Variants in RBMXL1 observed in about 807,000 individuals in gnomAD.
RBMXL1 encodes RBMX like 1.
Under a neutral mutation model 29.0 loss-of-function variants are expected in RBMXL1, and 18 were observed. The ratio of observed to expected loss-of-function variants is 0.62; its 90% confidence interval spans 0.43 to 0.92. The LOEUF (loss-of-function observed/expected upper bound fraction) is 0.92, where lower values mean the gene tolerates loss of function less well. RBMXL1 is among the 40% of genes least tolerant of loss of function. The pLI, the probability that RBMXL1 is intolerant of heterozygous loss-of-function variation, is 0.00. For synonymous variants in RBMXL1, 141 were observed against 170.4 expected (o/e 0.83, Z 1.34); for missense variants, 403 against 495.8 (o/e 0.81, Z 1.78).
chr1:88,990,297 C>CA, intron 1 of RBMXL1, among the ~76,000 whole-genome samples: 1 of 103,866 alleles, frequency 9.6e-6, no homozygotes, highest in South Asian at 2.8e-4. Flanking sequence ...ACAAAAAACA[C>CA]AAAAAATAAA....
rs991987817 is a variant in RBMXL1, at chr1:88,988,420, C to T, written c.-340-69G>A. The T allele has an allele frequency of 8.2e-6, 7 of 854,380 alleles. No homozygotes were observed. The East Asian group carries it at 1.0e-4, about 12-fold the overall frequency. 52.9% of individuals were successfully genotyped at this position (854,380 alleles called of 1,614,324 possible). On this transcript the variant is annotated intron_variant, in intron 1 of 2. Coordinates refer to ENST00000652648, the MANE Select transcript of RBMXL1 (RefSeq NM_001162536.3). ...TGGGTACATCACTATCAGACACTTA[C>T]AGCTAGCTGATGTATCATAAGCTTA... is the stretch of plus-strand genomic sequence containing the variant.
rs1183757893 is a variant in RBMXL1 at position 88,983,486 on chromosome 1, C to T, written c.341G>A (p.Gly114Glu). ...GPPRGFGAGRGGSGGTRGPPS... is the reference protein window; with the variant it reads ...GPPRGFGAGREGSGGTRGPPS... The stretch of plus-strand genomic sequence containing the variant: ...AGGTCCCCTGGTTCCTCCACTTCCT[C>T]CTCTTCCAGCTCCAAAACCTCTTGG... The change falls in exon 3 of 3, where the codon GGA becomes GAA. Residue 114 changes from glycine to glutamate, a missense_variant. Coordinates refer to ENST00000652648, the MANE Select transcript of RBMXL1 (RefSeq NM_001162536.3). 4 of 1,614,038 alleles carry T rather than the reference C, an allele frequency of 2.5e-6. No individual in the cohort carries two copies. The South Asian group carries it at 3.3e-5, about 13-fold the overall frequency.
Position 88,988,357 on chromosome 1 carries a change from A to G in RBMXL1, c.-340-6T>C. 1 of 1,575,064 alleles carries G rather than the reference A, an allele frequency of 6.3e-7. No homozygotes were observed. The highest frequency in any genetic ancestry group is 1.1e-5 in the South Asian group (1 of 89,348). ...TCCTCTGGGCCAAAAACATGCTATT[A>G]AATAAAAGAAAAATTGAGAAGAGGA... On this transcript the variant is annotated splice_polypyrimidine_tract_variant and splice_region_variant and intron_variant, in intron 1 of 2. Coordinates refer to ENST00000652648, the MANE Select transcript of RBMXL1 (RefSeq NM_001162536.3).
intron 1 of RBMXL1, among the ~76,000 whole-genome samples, chr1:88,991,607 G>C (rs975366477): frequency 6.6e-6 from 1 of 152,224 alleles, no homozygotes; most frequent in African/African-American, 2.4e-5. Context: ...CACGTCTTTA[G>C]AACAAGAGCG....
At position 88,979,854 on chromosome 1, in the gene RBMXL1, G is replaced by C. The variant is rs1247885119; in HGVS notation, c.*2800C>G. The C allele has an allele frequency of 6.6e-6, 1 of 152,222 alleles. No homozygotes were observed. Among genetic ancestry groups the C allele is most frequent in the Non-Finnish European group, 1.5e-5 (1 of 68,038 alleles). The allele number at this position is 152,222 out of a possible 1,614,324, so 9.4% of individuals were successfully genotyped here. On this transcript the variant is annotated 3_prime_UTR_variant, in exon 3 of 3. Coordinates refer to ENST00000652648, the MANE Select transcript of RBMXL1 (RefSeq NM_001162536.3). ...AGAAAGGAAAACCTATGTCTACACA[G>C]TGGCTTGTACACAAATGTTCCTAAC...
intron 1 of RBMXL1, among the ~76,000 whole-genome samples, chr1:88,991,448 G>A (rs866049452): frequency 6.6e-6 from 1 of 152,154 alleles, no homozygotes; most frequent in Non-Finnish European, 1.5e-5. Context: ...ACAAGAGTCC[G>A]ACCACTGTAA....
In RBMXL1 at chr1:88,983,649, C is replaced by G; in HGVS notation, c.178G>C (p.Ala60Pro). 1.2e-6 allele frequency: 2 copies of G among 1,613,918 alleles called. No homozygotes were observed. The highest frequency in any genetic ancestry group is 1.7e-6 in the Non-Finnish European group (2 of 1,180,030). The change falls in exon 3 of 3, where the codon GCA (alanine) becomes CCA (proline). Residue 60 changes from alanine (A) to proline (P), a missense_variant. Physicochemically the swap from Ala to Pro is conservative, Grantham distance 27. Transcript: ENST00000652648. Reference protein sequence around the residue: ...GFAFVTFESPADAKDAARDMN... With the variant: ...GFAFVTFESPPDAKDAARDMN... Reference sequence around the variant, plus strand: ...TCTCTGGCTGCATCCTTAGCGTCTGCTGGGCTTTCAAAGGTGACAAAAGCA... The same window carrying G: ...TCTCTGGCTGCATCCTTAGCGTCTGGTGGGCTTTCAAAGGTGACAAAAGCA...
intron 1 of RBMXL1, among the ~76,000 whole-genome samples, chr1:88,990,903 G>A (rs970533792): frequency 1.3e-5 from 2 of 152,038 alleles, no homozygotes; most frequent in African/African-American, 4.8e-5. Flanking sequence ...AGATGTCATC[G>A]AAAAGTTGGA....
chr1:88,984,275 C>T (rs1429086145), intron 2 of RBMXL1, among the ~76,000 whole-genome samples: 5 of 129,020 alleles, frequency 3.9e-5, no homozygotes, highest in African/African-American at 6.1e-5. Flanking sequence ...AGTGCAGCGG[C>T]GCAATCTTGG....
At position 88,981,679 on chromosome 1, in the gene RBMXL1, TTC is replaced by T. The variant is rs1677097263; in HGVS notation, c.*973_*974del. The T allele has an allele frequency of 5.6e-6, 1 of 178,976 alleles. No individual in the cohort carries two copies. Among genetic ancestry groups the T allele is most frequent in the Admixed American group, 6.4e-5 (1 of 15,540 alleles). The allele number at this position is 178,976 out of a possible 1,614,324, so 11.1% of individuals were successfully genotyped here. A position where few individuals can be genotyped will look rare whatever the true frequency, so the allele number is the denominator to read the frequency against. ...GCTTCAACAACTCTTAGCATTTGATTTCTCTTACTGCCAGCGTTATCTACTGT... is the reference window on the plus strand; with the variant it reads ...GCTTCAACAACTCTTAGCATTTGATTTCTTACTGCCAGCGTTATCTACTGT... On this transcript the variant is annotated 3_prime_UTR_variant, in exon 3 of 3. Transcript: ENST00000652648.
At chr1:88,989,185 T>G (rs893601328) in intron 1 of RBMXL1, among the ~76,000 whole-genome samples, 2 of 152,200 alleles carry the variant, frequency 1.3e-5, no homozygotes, top group African/African-American at 4.8e-5. Context: ...GTCTAACAGT[T>G]ATCAAACCTT....
rs771687449 is a variant in RBMXL1 at position 88,982,603 on chromosome 1, C to G, written c.*51G>C. The stretch of plus-strand genomic sequence containing the variant: ...TAGTTATGATAGAATAGTTTCCACT[C>G]TTTTTTTTGTTTCTTTGAACTGGGA... On this transcript the variant is annotated 3_prime_UTR_variant, in exon 3 of 3. Transcript: ENST00000652648. 1.3e-6 allele frequency: 2 copies of G among 1,539,092 alleles called. No individual in the cohort carries two copies. Among genetic ancestry groups the G allele is most frequent in the East Asian group, 2.3e-5 (1 of 44,332 alleles).
chr1:88,982,637 CAA>C lies in RBMXL1; in HGVS notation c.*15_*16del. The C allele has an allele frequency of 3.8e-6, 6 of 1,571,648 alleles. No homozygotes were observed. The highest frequency in any genetic ancestry group is 5.2e-6 in the Non-Finnish European group (6 of 1,160,862). On this transcript the variant is annotated 3_prime_UTR_variant, in exon 3 of 3. Coordinates refer to ENST00000652648, the MANE Select transcript of RBMXL1 (RefSeq NM_001162536.3). Reference sequence around the variant, plus strand: ...GTTTCTTTGAACTGGGATTTTGGTCCAAAGTTTTGTTTGTTTCTAGTATCTGC... The same window carrying C: ...GTTTCTTTGAACTGGGATTTTGGTCCAGTTTTGTTTGTTTCTAGTATCTGC...
chr1:88,985,909 A>G (rs887065992), intron 2 of RBMXL1, among the ~76,000 whole-genome samples: 1 of 152,248 alleles, frequency 6.6e-6, no homozygotes, highest in African/African-American at 2.4e-5. Context: ...GGCTGGACGC[A>G]GTGACTCATG....
chr1:88,986,054 A>G (rs1163680552), intron 2 of RBMXL1, among the ~76,000 whole-genome samples: 1 of 151,822 alleles, frequency 6.6e-6, no homozygotes, highest in East Asian at 1.9e-4. Context: ...GGTGGCGGGC[A>G]CCTATAGTCC....
At position 88,982,388 on chromosome 1, in the gene RBMXL1, G is replaced by T. The variant is rs1025689572; in HGVS notation, c.*266C>A. 25 of 808,960 alleles carry T rather than the reference G, an allele frequency of 3.1e-5. No homozygotes were observed. In the African/African-American group the frequency reaches 4.2e-4, roughly 14 times the overall value. The allele number at this position is 808,960 out of a possible 1,614,324, so 50.1% of individuals were successfully genotyped here. ...GTGGTCTTTAGGGACACCTTTACTT[G>T]GAAAGTTACAACACTAGTACTACAA... On this transcript the variant is annotated 3_prime_UTR_variant, in exon 3 of 3. Transcript: ENST00000652648.
At chr1:88,988,057 T>C (rs773114880) in intron 2 of RBMXL1, among the ~76,000 whole-genome samples, 195 bp downstream of exon 2, 4 of 152,232 alleles carry the variant, frequency 2.6e-5, no homozygotes, top group South Asian at 2.1e-4. Context: ...GACCAGCACA[T>C]GGCCTGATCC....
Position 88,982,691 on chromosome 1 carries a change from C to CT in RBMXL1, c.1135dup (p.Ser379LysfsTer4), listed in dbSNP as rs1452814299. 6.2e-7 allele frequency: 1 copy of CT among 1,613,514 alleles called. No homozygotes were observed. The highest frequency in any genetic ancestry group is 1.3e-5 in the African/African-American group (1 of 74,882). ...TCTGCCTCCCCCTCTATCAGATCGGCTTCCTCCAGGGCCAGCACCTCTTGG... is the reference window on the plus strand; with the variant it reads ...TCTGCCTCCCCCTCTATCAGATCGGCTTTCCTCCAGGGCCAGCACCTCTTGG... On this transcript the variant is annotated frameshift_variant, in exon 3 of 3. Transcript: ENST00000652648. LOFTEE classifies it high-confidence loss of function.
intron 2 of RBMXL1, 25 bp from the exon 3 acceptor site, chr1:88,984,091 T>C: frequency 2.1e-6 from 1 of 468,814 alleles, no homozygotes; most frequent in South Asian, 2.9e-5. Flanking sequence ...GAAATGAAAG[T>C]AAAACTCAGA....
Sources: gnomAD v4.1 joint callset for allele counts (sites outside exome capture counted in the v4.1 genomes callset) on GRCh38, gnomAD v4.1.1 for gene constraint, MANE v1.5 for transcripts, NCBI Gene and HGNC (gene_info 2026-07-23, HGNC 2026-07-21) for gene names.